Variants in SCIN observed in about 807,000 individuals in gnomAD.
SCIN encodes the protein scinderin, also known as adseverin.
Under a neutral mutation model 91.8 loss-of-function variants are expected in SCIN, and 91 were observed. That is an observed-to-expected ratio of 0.99 (90% CI 0.84 to 1.18). The LOEUF (loss-of-function observed/expected upper bound fraction) is 1.18. Among genes scored for constraint, SCIN ranks in the 50% most tolerant of loss-of-function variants. The pLI is 0.00. For synonymous variants in SCIN, 367 were observed against 312.6 expected (o/e 1.17, Z -1.84); for missense variants, 1,087 against 863.9 (o/e 1.26, Z -3.24).
intron 4 of SCIN, among the ~76,000 whole-genome samples, chr7:12,607,408 A>G (rs992899141): frequency 4.6e-5 from 7 of 152,238 alleles, no homozygotes; most frequent in African/African-American, 1.4e-4. Context: ...ATTTCATTCA[A>G]TGTTTCGAAA....
At chr7:12,622,218 C>T (rs1783423991) in intron 4 of SCIN, among the ~76,000 whole-genome samples, 1 of 152,002 alleles carries the variant, frequency 6.6e-6, no homozygotes, top group South Asian at 2.1e-4. Context: ...TAGATAAATT[C>T]ATTTATTCAT....
chr7:12,614,808 C>T (rs944750652), intron 4 of SCIN, among the ~76,000 whole-genome samples: 8 of 152,134 alleles, frequency 5.3e-5, no homozygotes, highest in Non-Finnish European at 1.0e-4. Context: ...CAAAAGACTT[C>T]GAGCTTTAAG....
chr7:12,659,327 G>C lies in SCIN; in HGVS notation c.*6612G>C, dbSNP rs569205821. The C allele has an allele frequency of 6.6e-6, 1 of 152,138 alleles. No homozygotes were observed. Among genetic ancestry groups the C allele is most frequent in the African/African-American group, 2.4e-5 (1 of 41,406 alleles). The allele number at this position is 152,138 out of a possible 1,614,324, so 9.4% of individuals were successfully genotyped here. On this transcript the variant is annotated 3_prime_UTR_variant, in exon 16 of 16. Coordinates refer to ENST00000297029, the MANE Select transcript of SCIN (RefSeq NM_001112706.3). ...GACTTAATCTATGTCTCTATGAGCTGGTAAACAATAGACAGGTAAATACAG... is the reference window on the plus strand; with the variant it reads ...GACTTAATCTATGTCTCTATGAGCTCGTAAACAATAGACAGGTAAATACAG...
intron 4 of SCIN, among the ~76,000 whole-genome samples, chr7:12,617,778 C>T (rs1783330072): frequency 6.6e-6 from 1 of 152,100 alleles, no homozygotes; most frequent in African/African-American, 2.4e-5. Flanking sequence ...AATGCATGGG[C>T]TCCAATCAGA....
chr7:12,648,372 C>G (rs1784009241), intron 13 of SCIN, among the ~76,000 whole-genome samples: 2 of 149,630 alleles, frequency 1.3e-5, no homozygotes, highest in South Asian at 4.3e-4. Flanking sequence ...TCTTGACTCA[C>G]TGCAACCTCC....
At chr7:12,643,880 ATAG>A (rs1347154536) in intron 11 of SCIN, among the ~76,000 whole-genome samples, 4 of 152,194 alleles carry the variant, frequency 2.6e-5, no homozygotes, top group Admixed American at 1.3e-4. Context: ...TACCAGTGAC[ATAG>A]TAGCACAGTC....
At chr7:12,645,307 A>G (rs748082549) in intron 13 of SCIN, among the ~76,000 whole-genome samples, 1 of 152,116 alleles carries the variant, frequency 6.6e-6, no homozygotes, top group Non-Finnish European at 1.5e-5. Context: ...CAGCCTGGGC[A>G]ACAGAGTGAG....
chr7:12,577,949 A>G (rs1052299730), intron 1 of SCIN, 115 bp from the exon 2 acceptor site: 13 of 835,766 alleles, frequency 1.6e-5, no homozygotes, highest in South Asian at 7.0e-5. Flanking sequence ...TGTGTAGAAG[A>G]CTGTTGGATT....
chr7:12,649,564 A>T lies in SCIN; in HGVS notation c.1959+20A>T. 3.2e-6 allele frequency: 5 copies of T among 1,545,826 alleles called. No individual in the cohort carries two copies. The highest frequency in any genetic ancestry group is 4.4e-6 in the Non-Finnish European group (5 of 1,131,636). ...GAACAGGTAAAACTACATTTTGTTC[A>T]TAAGAAGAGAATGCATTTTTGGTTG... On this transcript the variant is annotated intron_variant, in intron 14 of 15. Coordinates refer to ENST00000297029, the MANE Select transcript of SCIN (RefSeq NM_001112706.3).
At chr7:12,571,659 T>G (rs560591843) in intron 1 of SCIN, 40 of 443,966 alleles carry the variant, frequency 9.0e-5, no homozygotes, top group African/African-American at 8.1e-4. Context: ...TATATACAAA[T>G]AAATAGCTCT....
intron 13 of SCIN, 37 bp from the exon 14 acceptor site, chr7:12,649,430 T>C (rs367738635): frequency 8.5e-6 from 12 of 1,405,398 alleles, no homozygotes; most frequent in East Asian, 7.3e-5. Context: ...AAATTACTGC[T>C]TTACTTTTTG....
rs550306755 is a variant in SCIN at position 12,628,647 on chromosome 7, T to C, written c.1198-454T>C. On this transcript the variant is annotated intron_variant, in intron 8 of 15. Transcript: ENST00000297029. Reference sequence around the variant, plus strand: ...ATTCAGTGTGTTGTAGCATTTTTAGTATTTGGTCACAGTCTATCAAGTTTT... The same window carrying C: ...ATTCAGTGTGTTGTAGCATTTTTAGCATTTGGTCACAGTCTATCAAGTTTT... 6.6e-5 allele frequency among the ~76,000 whole-genome samples: 10 copies of C among 152,288 alleles called. No homozygotes were observed. The East Asian group carries it at 1.9e-3, about 29-fold the overall frequency.
rs184653977 is a variant in SCIN, at chr7:12,626,945, C to T, written c.1197+146C>T. The T allele has an allele frequency of 6.1e-5, 44 of 718,346 alleles. No homozygotes were observed. In the African/African-American group the frequency reaches 6.4e-4, roughly 11 times the overall value. 44.5% of individuals were successfully genotyped at this position (718,346 alleles called of 1,614,324 possible). ...CCTCTACTCAAAATACAAAAATTAG[C>T]CAGGTGTGATGGAGCTCGCCCATAG... On this transcript the variant is annotated intron_variant, in intron 8 of 15. Coordinates refer to ENST00000297029, the MANE Select transcript of SCIN (RefSeq NM_001112706.3).
intron 13 of SCIN, among the ~76,000 whole-genome samples, chr7:12,645,171 TAGTC>T (rs1174568512): frequency 1.3e-5 from 2 of 149,704 alleles, no homozygotes; most frequent in African/African-American, 4.9e-5. Flanking sequence ...ATACAAAAAT[TAGTC>T]AGGCATGGTG....
chr7:12,583,119 A>C (rs1043411206), intron 3 of SCIN, among the ~76,000 whole-genome samples: 1 of 152,148 alleles, frequency 6.6e-6, no homozygotes, highest in African/African-American at 2.4e-5. Flanking sequence ...TTTCTTAAAA[A>C]AAAAAACTTG....
At chr7:12,650,296 C>A (rs757583198) in intron 14 of SCIN, among the ~76,000 whole-genome samples, 16 of 152,106 alleles carry the variant, frequency 1.1e-4, no homozygotes, top group Non-Finnish European at 2.1e-4. Flanking sequence ...CAGATTCTTG[C>A]CAAGTGAATG....
chr7:12,573,529 T>G (rs1274290516), intron 1 of SCIN, among the ~76,000 whole-genome samples: 1 of 152,194 alleles, frequency 6.6e-6, no homozygotes, highest in Non-Finnish European at 1.5e-5. Context: ...TGTATTAACA[T>G]CATATGCTTA....
intron 3 of SCIN, among the ~76,000 whole-genome samples, chr7:12,594,213 G>A (rs1404890889): frequency 6.6e-6 from 1 of 151,972 alleles, no homozygotes; most frequent in African/African-American, 2.4e-5. Flanking sequence ...GCCGGAGCAG[G>A]GACATACGGT....
intron 9 of SCIN, among the ~76,000 whole-genome samples, chr7:12,635,229 G>A (rs1783723589): frequency 6.6e-6 from 1 of 151,420 alleles, no homozygotes; most frequent in African/African-American, 2.4e-5. Flanking sequence ...GACAAAATGG[G>A]ACCTCTCCAT....
Sources: gnomAD v4.1 joint callset for allele counts (sites outside exome capture counted in the v4.1 genomes callset) on GRCh38, gnomAD v4.1.1 for gene constraint, MANE v1.5 for transcripts, NCBI Gene and HGNC (gene_info 2026-07-23, HGNC 2026-07-21) for gene names.